ATP13A3: variants seen among roughly 807,000 people sequenced by gnomAD.
ATP13A3 encodes polyamine-transporting ATPase 13A3.
Under a neutral mutation model 158.1 loss-of-function variants are expected in ATP13A3, and 59 were observed. The ratio of observed to expected loss-of-function variants is 0.37; its 90% confidence interval spans 0.30 to 0.46. ATP13A3 has a LOEUF of 0.46. ATP13A3 is among the 20% of genes least tolerant of loss of function. The pLI, the probability that ATP13A3 is intolerant of heterozygous loss-of-function variation, is 1.00. For synonymous variants in ATP13A3, 491 were observed against 504.3 expected, an observed-to-expected ratio of 0.97 and a Z score of 0.35; for missense variants, 1,166 against 1,525.2, an observed-to-expected ratio of 0.76 and a Z score of 3.92.
intron 15 of ATP13A3, 152 bp from the exon 16 acceptor site, chr3:194,441,613 C>T (rs1471480807): frequency 4.2e-6 from 3 of 712,242 alleles, no homozygotes; most frequent in Non-Finnish European, 4.5e-6. Flanking sequence ...GTCAGAAATA[C>T]AGGGAAAAGA....
chr3:194,473,289 G>T (rs902262363), intron 2 of ATP13A3, among the ~76,000 whole-genome samples: 1 of 152,106 alleles, frequency 6.6e-6, no homozygotes, highest in African/African-American at 2.4e-5. Context: ...CAAAACAAAT[G>T]ATAATGGGGC....
Position 194,404,683 on chromosome 3 carries a change from T to C in ATP13A3, c.*1236A>G, listed in dbSNP as rs1000759640. On this transcript the variant is annotated 3_prime_UTR_variant, in exon 34 of 34. Transcript: ENST00000645319. ...ATGTTAATCAGGCCAAACAGAAAGG[T>C]GAAAAATGTTTCTCCACATCTCTTT... 6.6e-6 allele frequency: 1 copy of C among 152,224 alleles called. No homozygotes were observed. Among genetic ancestry groups the C allele is most frequent in the African/African-American group, 2.4e-5 (1 of 41,460 alleles). The allele number at this position is 152,224 out of a possible 1,614,324, so 9.4% of individuals were successfully genotyped here. A position where few individuals can be genotyped will look rare whatever the true frequency, so the allele number is the denominator to read the frequency against.
intron 2 of ATP13A3, among the ~76,000 whole-genome samples, chr3:194,483,432 A>AAAAAAAAAAC (rs1435854451): frequency 1.3e-5 from 2 of 151,286 alleles, no homozygotes; most frequent in African/African-American, 4.9e-5. Context: ...TCTACAAAAA[A>AAAAAAAAAAC]AAAAAAAACT....
At chr3:194,483,132 A>T (rs1056080946) in intron 2 of ATP13A3, among the ~76,000 whole-genome samples, 3 of 150,028 alleles carry the variant, frequency 2.0e-5, no homozygotes, top group Non-Finnish European at 3.0e-5. Flanking sequence ...ATTTTTTTTT[A>T]AATTAGCCAG....
chr3:194,459,131 A>G (rs1719456641), intron 6 of ATP13A3: 1 of 203,992 alleles, frequency 4.9e-6, no homozygotes, highest in Non-Finnish European at 9.8e-6. Context: ...TCAGTAAACC[A>G]ACAGGTAATG....
chr3:194,469,805 G>A (rs1720215773), intron 2 of ATP13A3, among the ~76,000 whole-genome samples: 9 of 152,064 alleles, frequency 5.9e-5, no homozygotes, highest in Admixed American at 5.9e-4. Flanking sequence ...TCTCAAACTT[G>A]TAAAATTTAC....
chr3:194,488,321 CT>C (rs1382155063), upstream of ATP13A3: 1 of 152,516 alleles, frequency 6.6e-6, no homozygotes, highest in Non-Finnish European at 1.5e-5. The surrounding 1 kb of genome is among the most constrained non-coding windows in gnomAD (Gnocchi z 4.1). Context: ...CCTCCCCCAC[CT>C]CCCAGGCTTC....
At chr3:194,456,044 T>G in intron 7 of ATP13A3, 82 bp from the exon 8 acceptor site, 3 of 774,850 alleles carry the variant, frequency 3.9e-6, no homozygotes, top group Non-Finnish European at 6.0e-6. Context: ...AGGTAAGGCT[T>G]AAACCACAGA....
chr3:194,468,433 G>GAAAA (rs141773223), intron 2 of ATP13A3, among the ~76,000 whole-genome samples: 1 of 148,678 alleles, frequency 6.7e-6, no homozygotes, highest in African/African-American at 2.5e-5. Flanking sequence ...AAGCTACTGG[G>GAAAA]AAAAAAAATC....
intron 21 of ATP13A3, chr3:194,432,169 ATTT>A: frequency 2.8e-6 from 1 of 361,618 alleles, no homozygotes. Context: ...GTCATGCACT[ATTT>A]GTATCTACAC....
chr3:194,426,042 T>A (rs1167807380), intron 29 of ATP13A3, among the ~76,000 whole-genome samples: 1 of 152,152 alleles, frequency 6.6e-6, no homozygotes, highest in African/African-American at 2.4e-5. Context: ...GGCAGGACCA[T>A]CAGGCACAGA....
At chr3:194,421,547 C>G (rs1716377483) in intron 30 of ATP13A3, among the ~76,000 whole-genome samples, 1 of 113,534 alleles carries the variant, frequency 8.8e-6, no homozygotes, top group Admixed American at 9.1e-5. Context: ...AGCGAGACTC[C>G]ATCTCAAAAA....
chr3:194,420,873 C>T (rs899884562), intron 30 of ATP13A3, among the ~76,000 whole-genome samples: 12 of 151,488 alleles, frequency 7.9e-5, no homozygotes, highest in African/African-American at 2.4e-4. Context: ...TTGAACTCCA[C>T]TTCAAACTCA....
chr3:194,448,080 CTCTT>C lies in ATP13A3; in HGVS notation c.1151-75_1151-72del. ...AGAATTATCTCCCAAAACAGAATCTCTCTTTTTTTTTTTTTGAGACAGAGTCTCG... is the reference window on the plus strand; with the variant it reads ...AGAATTATCTCCCAAAACAGAATCTCTTTTTTTTTTTGAGACAGAGTCTCG... On this transcript the variant is annotated intron_variant, in intron 12 of 33. Transcript: ENST00000645319. This position sits in a 1 kb window ranked among gnomAD's most constrained non-coding sequence, Gnocchi z 4.0. 9 of 1,394,220 alleles carry C rather than the reference CTCTT, an allele frequency of 6.5e-6. No individual in the cohort carries two copies. The highest frequency in any genetic ancestry group is 5.0e-5 in the South Asian group (4 of 79,882). 86.4% of individuals were successfully genotyped at this position (1,394,220 alleles called of 1,614,324 possible). A position where few individuals can be genotyped will look rare whatever the true frequency, so the allele number is the denominator to read the frequency against.
intron 28 of ATP13A3, among the ~76,000 whole-genome samples, chr3:194,427,625 C>A (rs1395868800): frequency 7.0e-6 from 1 of 142,548 alleles, no homozygotes; most frequent in Non-Finnish European, 1.5e-5. Flanking sequence ...ATAGTGAAAC[C>A]CCATCTCTAC....
Position 194,410,305 on chromosome 3 carries a change from A to AC in ATP13A3, c.3573+1893_3573+1894insG, listed in dbSNP as rs1463644729. On this transcript the variant is annotated intron_variant, in intron 33 of 33. Transcript: ENST00000645319. ...CAAAACCTCCTCTCTGCAAAAAAAA[A>AC]AAAAAAAAAAAAAAAAAAAAAAAAA... Among the ~76,000 whole-genome samples, 699 of 137,928 alleles carry AC rather than the reference A, an allele frequency of 5.1e-3. 15 individuals are homozygous for AC. Among genetic ancestry groups the AC allele is most frequent in the African/African-American group, 0.018 (644 of 35,894 alleles). The allele number at this position is 137,928 out of a possible 152,430, so 90.5% of individuals were successfully genotyped here. A position where few individuals can be genotyped will look rare whatever the true frequency, so the allele number is the denominator to read the frequency against.
chr3:194,426,028 G>A (rs1396875107), intron 29 of ATP13A3, among the ~76,000 whole-genome samples: 1 of 152,150 alleles, frequency 6.6e-6, no homozygotes, highest in African/African-American at 2.4e-5. Context: ...TCTACTTTCA[G>A]GTAGGCAGGA....
intron 10 of ATP13A3, chr3:194,452,665 T>C (rs1718891441): frequency 6.6e-6 from 1 of 152,222 alleles, no homozygotes; most frequent in Admixed American, 6.5e-5. Context: ...CTCTAATTTC[T>C]AGGCCTTTGG....
intron 33 of ATP13A3, among the ~76,000 whole-genome samples, 176 bp from the exon 34 acceptor site, chr3:194,406,292 T>C (rs567934403): frequency 1.3e-5 from 2 of 151,834 alleles, no homozygotes; most frequent in Non-Finnish European, 2.9e-5. Flanking sequence ...TGGCCGGGCG[T>C]GGTGGCTCAT....
Sources: gnomAD v4.1 joint callset for allele counts (sites outside exome capture counted in the v4.1 genomes callset) on GRCh38, gnomAD v4.1.1 for gene constraint, Gnocchi (gnomAD v3.1) non-coding constraint, MANE v1.5 for transcripts, NCBI Gene and HGNC (gene_info 2026-07-23, HGNC 2026-07-21) for gene names.